Variants in PKHD1L1 observed in about 807,000 individuals in gnomAD.
PKHD1L1 encodes PKHD1 like 1, also known as fibrocystin-L.
A neutral mutation model predicts 462.9 loss-of-function variants in PKHD1L1; 434 were observed. The observed-to-expected ratio is 0.94, with a 90% confidence interval of 0.87 to 1.02. The LOEUF is 1.02. Among genes scored for constraint, PKHD1L1 ranks in the 50% least tolerant of loss-of-function variants. The pLI is 0.00. For synonymous variants in PKHD1L1, 1,781 were observed against 1,750.0 expected, an observed-to-expected ratio of 1.02 and a Z score of -0.44; for missense variants, 5,202 against 5,096.1, an observed-to-expected ratio of 1.02 and a Z score of -0.63.
chr8:109,383,941 A>T (rs1812299364), intron 4 of PKHD1L1, 129 bp from the exon 5 acceptor site: 4 of 715,924 alleles, frequency 5.6e-6, no homozygotes, highest in Non-Finnish European at 4.9e-6. Context: ...TTATTTAAAT[A>T]TCTTCTTTCC....
At chr8:109,426,911 C>G in intron 24 of PKHD1L1, 91 bp from the exon 25 acceptor site, 2 of 759,222 alleles carry the variant, frequency 2.6e-6, no homozygotes, top group Non-Finnish European at 4.6e-6. Context: ...CTTTGGCCTC[C>G]CAAAGTGCTA....
chr8:109,500,673 CAAAAAAAAA>C (rs34827783), intron 67 of PKHD1L1, among the ~76,000 whole-genome samples: 3 of 47,188 alleles, frequency 6.4e-5, no homozygotes, highest in African/African-American at 1.6e-4. Flanking sequence ...AACTCTGTCT[CAAAAAAAAA>C]AAAAAAAAAA....
chr8:109,372,733 A>C (rs1396828972), intron 2 of PKHD1L1, among the ~76,000 whole-genome samples: 1 of 152,140 alleles, frequency 6.6e-6, no homozygotes, highest in Admixed American at 6.5e-5. Flanking sequence ...GAATTTTGTC[A>C]AAGGCCTTTT....
intron 71 of PKHD1L1, among the ~76,000 whole-genome samples, chr8:109,511,663 A>G (rs1050968220): frequency 3.9e-5 from 6 of 152,126 alleles, no homozygotes; most frequent in Non-Finnish European, 7.3e-5. Context: ...ATACGTGTGC[A>G]TGTGTCTTTA....
intron 14 of PKHD1L1, among the ~76,000 whole-genome samples, chr8:109,404,269 A>T (rs1004417119): frequency 6.6e-6 from 1 of 152,184 alleles, no homozygotes; most frequent in African/African-American, 2.4e-5. Flanking sequence ...GATGTTGAGT[A>T]TAAGAAATAG....
intron 32 of PKHD1L1, among the ~76,000 whole-genome samples, chr8:109,439,443 T>C (rs1815645454): frequency 6.6e-6 from 1 of 152,114 alleles, no homozygotes. Context: ...GCATTAATGG[T>C]GCTCACAATT....
chr8:109,436,174 G>A (rs868533094), intron 29 of PKHD1L1, among the ~76,000 whole-genome samples, 164 bp from the exon 30 acceptor site: 32 of 152,322 alleles, frequency 2.1e-4, no homozygotes, highest in Middle Eastern at 6.8e-3. Flanking sequence ...GGTGTGTGGT[G>A]GGGATTGCAT....
chr8:109,444,759 G>C lies in PKHD1L1; in HGVS notation c.4890G>C (p.Arg1630Ser), dbSNP rs1816021994. Residue 1630 changes from arginine (R) to serine (S), a missense_variant, in exon 38 of 78, where the codon AGG becomes AGC. Arg to Ser is a moderately radical substitution (Grantham distance 110). This residue lies in a region of PKHD1L1 where 4,497 missense variants were observed against 4,336.8 expected (regional missense o/e 1.04). Transcript: ENST00000378402. Reference sequence around the variant, plus strand: ...AAAACTCAATGGATGTTGGTATCAGGGAAACTGTCACTTTGACTGTCTACA... The same window carrying C: ...AAAACTCAATGGATGTTGGTATCAGCGAAACTGTCACTTTGACTGTCTACA... ...DPQNSMDVGI[R>S]ETVTLTVYNL... The C allele has an allele frequency of 6.2e-7, 1 of 1,613,882 alleles. No homozygotes were observed. Among genetic ancestry groups the C allele is most frequent in the African/African-American group, 1.3e-5 (1 of 74,918 alleles).
intron 55 of PKHD1L1, 35 bp downstream of exon 55, chr8:109,480,174 TA>T: frequency 6.7e-7 from 1 of 1,503,108 alleles, no homozygotes; most frequent in South Asian, 1.3e-5. Flanking sequence ...ATATCTTTAT[TA>T]ATCTAATTCT....
chr8:109,515,401 CAAT>C (rs58870933), intron 72 of PKHD1L1, 96 bp downstream of exon 72: 53,360 of 1,049,826 alleles, frequency 0.051, 1,864 homozygotes, highest in Admixed American at 0.19. Flanking sequence ...CCTTATCTAT[CAAT>C]GATGGAGAAG....
intron 46 of PKHD1L1, among the ~76,000 whole-genome samples, chr8:109,458,833 T>C (rs1816958846): frequency 6.6e-6 from 1 of 152,138 alleles, no homozygotes; most frequent in African/African-American, 2.4e-5. Context: ...ACTTGTCTCC[T>C]TAAAATCAGG....
At chr8:109,403,285 AT>A (rs1311338503) in intron 14 of PKHD1L1, among the ~76,000 whole-genome samples, 2 of 152,252 alleles carry the variant, frequency 1.3e-5, no homozygotes, top group Non-Finnish European at 2.9e-5. Flanking sequence ...TTGCTAAATC[AT>A]TTTACTCAAA....
rs1406361821 is a variant in PKHD1L1, at chr8:109,382,534, G to T, written c.380G>T (p.Cys127Phe). ...DGVPVTENNT[C>F]KGHINSWECT... ...GTTCCTGTTACGGAAAATAACACCT[G>T]CAAAGGTCACATCAACAGCTGGGAA... is the stretch of plus-strand genomic sequence containing the variant. Residue 127 changes from cysteine (C) to phenylalanine (F), a missense_variant, in exon 4 of 78, where the codon TGC (cysteine) becomes TTC (phenylalanine). Transcript: ENST00000378402. The T allele has an allele frequency of 6.2e-7, 1 of 1,612,472 alleles. No homozygotes were observed. The highest frequency in any genetic ancestry group is 1.1e-5 in the South Asian group (1 of 90,866).
intron 54 of PKHD1L1, 62 bp from the exon 55 acceptor site, chr8:109,479,929 A>G (rs1818186516): frequency 1.4e-6 from 2 of 1,430,660 alleles, no homozygotes; most frequent in Non-Finnish European, 1.9e-6. Flanking sequence ...AAGCTTGTCA[A>G]TGTTTTGCTA....
intron 42 of PKHD1L1, among the ~76,000 whole-genome samples, 198 bp from the exon 43 acceptor site, chr8:109,452,520 A>AAATAAAAC (rs1816588040): frequency 6.6e-6 from 1 of 151,500 alleles, no homozygotes; most frequent in South Asian, 2.1e-4. Context: ...CTTGATCATT[A>AAATAAAAC]TTGTGAAATA....
chr8:109,513,103 C>T (rs1264148776), intron 71 of PKHD1L1, among the ~76,000 whole-genome samples: 9 of 151,150 alleles, frequency 6.0e-5, no homozygotes, highest in Admixed American at 2.6e-4. Context: ...TGGGCTGAGA[C>T]AATGGGGTTT....
In PKHD1L1 at chr8:109,452,174, T is replaced by G; in HGVS notation, c.6401T>G (p.Val2134Gly). 1.2e-6 allele frequency: 2 copies of G among 1,613,412 alleles called. No individual in the cohort carries two copies. The highest frequency in any genetic ancestry group is 2.2e-5 in the South Asian group (2 of 90,924). ...ACCATAGCTGAAGCCAAATGTGATG[T>G]TGAGTATTCCAACAAGACACACATC... ...HITIAEAKCDVEYSNKTHIIC... is the reference protein window; with the variant it reads ...HITIAEAKCDGEYSNKTHIIC... Residue 2134 changes from valine (V) to glycine (G), a missense_variant, in exon 42 of 78, where the codon GTT becomes GGT. Physicochemically the swap from Val to Gly is moderately radical, Grantham distance 109. This residue lies in a region of PKHD1L1 where 4,497 missense variants were observed against 4,336.8 expected (regional missense o/e 1.04). Transcript: ENST00000378402.
intron 73 of PKHD1L1, 83 bp downstream of exon 73, chr8:109,518,591 C>G: frequency 8.3e-7 from 1 of 1,205,470 alleles, no homozygotes; most frequent in Non-Finnish European, 1.1e-6. Flanking sequence ...CTTGGTGAGC[C>G]TGGCCTCAGG....
chr8:109,458,549 C>A (rs116152606), intron 46 of PKHD1L1, among the ~76,000 whole-genome samples: 56 of 152,212 alleles, frequency 3.7e-4, no homozygotes, highest in Non-Finnish European at 4.6e-4. Context: ...AGGACTGCAG[C>A]GTTGTTGCTC....
Sources: gnomAD v4.1 joint callset for allele counts (sites outside exome capture counted in the v4.1 genomes callset) on GRCh38, gnomAD v4.1.1 for gene constraint, gnomAD v4.1.1 regional missense constraint, MANE v1.5 for transcripts, NCBI Gene and HGNC (gene_info 2026-07-23, HGNC 2026-07-21) for gene names.